PCDHA9: variants seen among roughly 807,000 people sequenced by gnomAD.
PCDHA9 encodes protocadherin alpha-9.
Under a neutral mutation model 62.0 loss-of-function variants are expected in PCDHA9, and 62 were observed. That is an observed-to-expected ratio of 1.00 (90% CI 0.81 to 1.23). The LOEUF is 1.23. PCDHA9 is among the 50% of genes most tolerant of loss of function. The pLI is 0.00. For missense variants in PCDHA9, 1,205 were observed against 1,249.8 expected (o/e 0.96, Z 0.54); for synonymous variants, 557 against 567.6 (o/e 0.98, Z 0.27).
chr5:140,968,639 G>C (rs1278507600), intron 1 of PCDHA9: 1 of 1,614,032 alleles, frequency 6.2e-7, no homozygotes, highest in Non-Finnish European at 8.5e-7. Flanking sequence ...TTACCATCTA[G>C]CCCAGACTTC....
At chr5:140,875,636 A>G (rs574545388) in intron 1 of PCDHA9, 3 of 1,613,606 alleles carry the variant, frequency 1.9e-6, no homozygotes, top group African/African-American at 1.3e-5. Context: ...CTGGGGCTGG[A>G]GCTGGCGGAG....
At chr5:140,915,059 C>T (rs1554196724) in intron 1 of PCDHA9, among the ~76,000 whole-genome samples, 1 of 151,706 alleles carries the variant, frequency 6.6e-6, no homozygotes, top group Non-Finnish European at 1.5e-5. Flanking sequence ...GATTCTCCTG[C>T]CTTAGCCTAC....
At chr5:140,915,716 C>T (rs2077274657) in intron 1 of PCDHA9, among the ~76,000 whole-genome samples, 1 of 152,024 alleles carries the variant, frequency 6.6e-6, no homozygotes, top group East Asian at 1.9e-4. Context: ...GTGGCCCCCA[C>T]TTTGGATTGT....
chr5:140,974,350 C>A (rs555781549), intron 1 of PCDHA9, among the ~76,000 whole-genome samples: 1 of 152,186 alleles, frequency 6.6e-6, no homozygotes, highest in African/African-American at 2.4e-5. Context: ...GCATCCAGAA[C>A]TAAACAGACC....
chr5:140,955,796 A>G (rs1432865248), intron 1 of PCDHA9, among the ~76,000 whole-genome samples: 3 of 152,004 alleles, frequency 2.0e-5, no homozygotes, highest in Non-Finnish European at 4.4e-5. Context: ...ATGTTTTTCT[A>G]TTTGTTTGTG....
At chr5:140,995,082 C>G (rs145784301) in intron 3 of PCDHA9, among the ~76,000 whole-genome samples, 5 of 152,334 alleles carry the variant, frequency 3.3e-5, no homozygotes, top group Admixed American at 3.3e-4. Context: ...GCAATCCAAA[C>G]TTATCTGTGG....
At chr5:140,877,522 G>T in intron 1 of PCDHA9, 1 of 1,613,798 alleles carries the variant, frequency 6.2e-7, no homozygotes, top group Non-Finnish European at 8.5e-7. Context: ...GCGGGCCTCA[G>T]TGGGCGCTGT....
At chr5:140,943,024 A>C (rs2093406550) in intron 1 of PCDHA9, among the ~76,000 whole-genome samples, 1 of 152,102 alleles carries the variant, frequency 6.6e-6, no homozygotes, top group Admixed American at 6.6e-5. Context: ...TGGGAGGCTG[A>C]GGTGGGTGGA....
chr5:140,940,510 G>T (rs1477590604), intron 1 of PCDHA9, among the ~76,000 whole-genome samples: 1 of 151,778 alleles, frequency 6.6e-6, no homozygotes, highest in Non-Finnish European at 1.5e-5. Context: ...TCGCTCAGGC[G>T]TGATCATAGC....
At chr5:140,895,207 T>C (rs1392562241) in intron 1 of PCDHA9, among the ~76,000 whole-genome samples, 2 of 152,208 alleles carry the variant, frequency 1.3e-5, no homozygotes, top group Non-Finnish European at 2.9e-5. Context: ...TTTGCTTTTA[T>C]TTCTAATATT....
chr5:141,003,452 C>G (rs1554259072), intron 3 of PCDHA9, among the ~76,000 whole-genome samples: 1 of 152,112 alleles, frequency 6.6e-6, no homozygotes, highest in Non-Finnish European at 1.5e-5. Flanking sequence ...GATGAAATTA[C>G]AGGCGTGCAC....
At chr5:140,897,759 G>A (rs1238732675) in intron 1 of PCDHA9, among the ~76,000 whole-genome samples, 7 of 152,228 alleles carry the variant, frequency 4.6e-5, no homozygotes, top group South Asian at 2.1e-4. Flanking sequence ...CTGAGGAATC[G>A]CCACACTGAC....
chr5:140,870,455 C>A, intron 1 of PCDHA9: 6 of 1,614,246 alleles, frequency 3.7e-6, no homozygotes, highest in Non-Finnish European at 5.1e-6. Context: ...AACGACAATG[C>A]GCCTGCGTTC....
Position 140,848,508 on chromosome 5 carries a change from A to G in PCDHA9, c.13A>G (p.Ser5Gly). The change falls in exon 1 of 4, where the codon AGT becomes GGT. Residue 5 changes from serine to glycine, a missense_variant. Physicochemically the swap from Ser to Gly is moderately conservative, Grantham distance 56 (BLOSUM62 0). Transcript: ENST00000532602. ...CTGAGTATTTGAAATGTTATACTCA[A>G]GTCGAGGAGATCCAGAGGGTCAGCC... MLYS[S>G]RGDPEGQPLL... is the part of the protein sequence containing the mutation. 6.3e-7 allele frequency: 1 copy of G among 1,589,692 alleles called. No homozygotes were observed. Among genetic ancestry groups the G allele is most frequent in the Non-Finnish European group, 8.6e-7 (1 of 1,162,440 alleles).
intron 1 of PCDHA9, chr5:140,927,627 T>G (rs145171269): frequency 6.2e-7 from 1 of 1,614,180 alleles, no homozygotes; most frequent in Non-Finnish European, 8.5e-7. Context: ...TTCCAGAGAC[T>G]GCACCCAATG....
intron 1 of PCDHA9, chr5:140,876,094 C>A (rs782479233): frequency 3.1e-6 from 5 of 1,613,926 alleles, no homozygotes; most frequent in Non-Finnish European, 4.2e-6. Flanking sequence ...AACGCCAAAA[C>A]TCAATTTATT....
At chr5:140,927,596 G>C in intron 1 of PCDHA9, 3 of 1,614,162 alleles carry the variant, frequency 1.9e-6, no homozygotes, top group Non-Finnish European at 2.5e-6. Flanking sequence ...GTATTTGAGC[G>C]CTCCGTATAC....
At chr5:140,889,332 G>T (rs1387530088) in intron 1 of PCDHA9, among the ~76,000 whole-genome samples, 1 of 151,982 alleles carries the variant, frequency 6.6e-6, no homozygotes, top group African/African-American at 2.4e-5. Flanking sequence ...TCAGGATTTT[G>T]ATTGGTGGGA....
At position 141,005,728 on chromosome 5, in the gene PCDHA9, A is replaced by T. The variant is rs574255915; in HGVS notation, c.2543-3899A>T. On this transcript the variant is annotated intron_variant, in intron 3 of 3. Coordinates refer to ENST00000532602, the MANE Select transcript of PCDHA9 (RefSeq NM_031857.2). ...AAAAAAAAAAAAAAAAAAAAAAAAA[A>T]AAAGAATGGATGAGAAATCATTCAA... Among the ~76,000 whole-genome samples the T allele has an allele frequency of 1.3e-4, 19 of 150,362 alleles. No homozygotes were observed. The South Asian group carries it at 1.7e-3, about 13-fold the overall frequency.
Sources: gnomAD v4.1 joint callset for allele counts (sites outside exome capture counted in the v4.1 genomes callset) on GRCh38, gnomAD v4.1.1 for gene constraint, MANE v1.5 for transcripts, NCBI Gene and HGNC (gene_info 2026-07-23, HGNC 2026-07-21) for gene names.